The following TMEM120B variants were observed in gnomAD, a reference collection of about 807,000 sequenced individuals.
The protein encoded by TMEM120B is transmembrane protein 120B.
Under a neutral mutation model 55.5 loss-of-function variants are expected in TMEM120B, and 31 were observed. The observed-to-expected ratio is 0.56, with a 90% CI of 0.42 to 0.75. The LOEUF is 0.75. TMEM120B is among the 30% of genes least tolerant of loss of function. The pLI is 0.00. For synonymous variants in TMEM120B, 203 were observed against 176.3 expected, an observed-to-expected ratio of 1.15 and a Z score of -1.20; for missense variants, 399 against 425.5, an observed-to-expected ratio of 0.94 and a Z score of 0.55.
chr12:121,733,009 C>G lies in TMEM120B; in HGVS notation c.70-10620C>G, dbSNP rs988016974. The stretch of plus-strand genomic sequence containing the variant: ...AAAAAAAAAAAAATCTAATAACAAG[C>G]CTGTACCCTCTGACCTGCAATTTTA... On this transcript the variant is annotated intron_variant, in intron 1 of 11. Coordinates refer to ENST00000449592, the MANE Select transcript of TMEM120B (RefSeq NM_001080825.2). 4.0e-5 allele frequency among the ~76,000 whole-genome samples: 6 copies of G among 151,730 alleles called. No homozygotes were observed. The Admixed American group carries it at 4.0e-4, about 10-fold the overall frequency.
intron 6 of TMEM120B, among the ~76,000 whole-genome samples, chr12:121,764,147 A>T (rs1873769802): frequency 7.3e-6 from 1 of 136,866 alleles, no homozygotes; most frequent in African/African-American, 3.0e-5. Context: ...ACAAAATAAG[A>T]TTTCATCTTT....
chr12:121,746,868 G>A (rs1873101215), intron 2 of TMEM120B, among the ~76,000 whole-genome samples: 1 of 151,848 alleles, frequency 6.6e-6, no homozygotes, highest in Non-Finnish European at 1.5e-5. Context: ...TGAGGCAGGA[G>A]AATGGCGTGA....
chr12:121,763,650 C>A (rs1352795581), intron 6 of TMEM120B, among the ~76,000 whole-genome samples: 1 of 152,116 alleles, frequency 6.6e-6, no homozygotes, highest in Admixed American at 6.5e-5. Flanking sequence ...ATCATGTTGG[C>A]CAGGCTGGTC....
In TMEM120B at chr12:121,780,875, C is replaced by T. The variant is rs1874425554; in HGVS notation, c.*5153C>T. ...CAGGGTCTTGGCCCCGGCCCACCTG[C>T]ATGTAGGTGATGGGCTCCAGCTGGG... On this transcript the variant is annotated 3_prime_UTR_variant, in exon 12 of 12. Coordinates refer to ENST00000449592, the MANE Select transcript of TMEM120B (RefSeq NM_001080825.2). 1 of 1,613,046 alleles carries T rather than the reference C, an allele frequency of 6.2e-7. No homozygotes were observed. Among genetic ancestry groups the T allele is most frequent in the Non-Finnish European group, 8.5e-7 (1 of 1,179,678 alleles).
At chr12:121,718,473 T>C (rs376994628) in intron 1 of TMEM120B, among the ~76,000 whole-genome samples, 6 of 152,248 alleles carry the variant, frequency 3.9e-5, no homozygotes, top group African/African-American at 1.2e-4. Flanking sequence ...GCCAGGGTAC[T>C]CCAGCCTGGG....
chr12:121,764,603 C>G (rs965782902), intron 6 of TMEM120B, among the ~76,000 whole-genome samples: 19 of 151,526 alleles, frequency 1.3e-4, no homozygotes, highest in African/African-American at 4.4e-4. Context: ...TGTATGAGCC[C>G]AGGAGGTTGA....
intron 1 of TMEM120B, among the ~76,000 whole-genome samples, chr12:121,740,409 G>A (rs768374109): frequency 7.2e-5 from 11 of 151,740 alleles, no homozygotes; most frequent in Non-Finnish European, 8.8e-5. Context: ...GCTTGAACCC[G>A]GGGAGGTGAA....
intron 6 of TMEM120B, among the ~76,000 whole-genome samples, chr12:121,768,057 C>T (rs576694154): frequency 1.3e-5 from 2 of 152,272 alleles, no homozygotes; most frequent in East Asian, 3.9e-4. Flanking sequence ...GGGATCTGGC[C>T]AACTGCCTTT....
chr12:121,736,447 C>T (rs564507393), intron 1 of TMEM120B, among the ~76,000 whole-genome samples: 11 of 150,592 alleles, frequency 7.3e-5, no homozygotes, highest in African/African-American at 2.2e-4. Flanking sequence ...GGATTACAGG[C>T]GTGAGCCACC....
At chr12:121,765,283 C>G (rs959378548) in intron 6 of TMEM120B, among the ~76,000 whole-genome samples, 1 of 152,000 alleles carries the variant, frequency 6.6e-6, no homozygotes, top group African/African-American at 2.4e-5. Flanking sequence ...GTGCACACCA[C>G]CATGCCTAGC....
At chr12:121,737,071 T>C (rs1283476206) in intron 1 of TMEM120B, among the ~76,000 whole-genome samples, 3 of 152,176 alleles carry the variant, frequency 2.0e-5, no homozygotes, top group Non-Finnish European at 4.4e-5. Flanking sequence ...TCCGTGACTT[T>C]TTCTCAGAAG....
intron 1 of TMEM120B, among the ~76,000 whole-genome samples, chr12:121,725,677 C>A (rs1377825192): frequency 1.3e-5 from 2 of 152,004 alleles, no homozygotes; most frequent in East Asian, 3.9e-4. Context: ...GATGCTAAGT[C>A]AAAAAAGCCA....
intron 8 of TMEM120B, among the ~76,000 whole-genome samples, chr12:121,772,737 G>C (rs1874106319): frequency 6.6e-6 from 1 of 152,172 alleles, no homozygotes; most frequent in African/African-American, 2.4e-5. Context: ...TGACTTTTCA[G>C]ATACTACAAC....
intron 1 of TMEM120B, among the ~76,000 whole-genome samples, chr12:121,714,343 G>A (rs1395629006): frequency 3.3e-5 from 5 of 152,002 alleles, no homozygotes; most frequent in Non-Finnish European, 5.9e-5. Flanking sequence ...TACAGCCTCC[G>A]CCTCCCGGGT....
chr12:121,748,479 C>A, intron 3 of TMEM120B, 37 bp downstream of exon 3: 1 of 1,430,168 alleles, frequency 7.0e-7, no homozygotes, highest in Non-Finnish European at 9.7e-7. Context: ...TAGCACAGGC[C>A]CATGCCCAGG....
chr12:121,775,665 G>T lies in TMEM120B; in HGVS notation c.963G>T (p.Thr321=). 3 of 1,613,998 alleles carry T rather than the reference G, an allele frequency of 1.9e-6. No individual in the cohort carries two copies. The highest frequency in any genetic ancestry group is 8.5e-7 in the Non-Finnish European group (1 of 1,179,964). ...TCTTCCTCGGCAACTTCCTGACCAC[G>T]CTCAAAGTCGTGCATGCCAAGCTCC... ...LILFLGNFLT[T]LKVVHAKLQK... is the part of the protein sequence containing the mutation. Residue 321 remains threonine (T), a synonymous_variant, in exon 12 of 12, where the codon ACG becomes ACT. Coordinates refer to ENST00000449592, the MANE Select transcript of TMEM120B (RefSeq NM_001080825.2). The surrounding 1 kb of genome is among the most constrained non-coding windows in gnomAD (Gnocchi z 4.3).
At chr12:121,750,479 A>G (rs761977805) in intron 4 of TMEM120B, 40 bp downstream of exon 4, 1 of 1,526,250 alleles carries the variant, frequency 6.6e-7, no homozygotes, top group South Asian at 1.1e-5. Context: ...CACACCTCAC[A>G]CCGCCCCCAC....
intron 3 of TMEM120B, among the ~76,000 whole-genome samples, chr12:121,749,933 C>T (rs1191178904): frequency 2.7e-5 from 4 of 150,460 alleles, no homozygotes; most frequent in African/African-American, 9.8e-5. Context: ...AAAAACACTG[C>T]AGTGAGCTAT....
chr12:121,774,975 G>T, intron 10 of TMEM120B, 87 bp from the exon 11 acceptor site: 2 of 1,455,428 alleles, frequency 1.4e-6, no homozygotes, highest in East Asian at 2.3e-5. Context: ...ACCCAAAGTT[G>T]GGTGAGGGGC....
Sources: allele counts gnomAD v4.1 joint callset (sites outside exome capture counted in the v4.1 genomes callset), GRCh38; gene constraint gnomAD v4.1.1; non-coding constraint Gnocchi (gnomAD v3.1); transcripts MANE v1.5; gene names NCBI Gene and HGNC (gene_info 2026-07-23, HGNC 2026-07-21).